Variants in UBE2G1 observed in about 807,000 individuals in gnomAD.
UBE2G1 encodes the protein ubiquitin-conjugating enzyme E2 G1.
Under a neutral mutation model 22.7 loss-of-function variants are expected in UBE2G1, and 5 were observed. The observed-to-expected ratio is 0.22, with a 90% CI of 0.12 to 0.46. The LOEUF is 0.46. Among genes scored for constraint, UBE2G1 ranks in the 20% least tolerant of loss-of-function variants. UBE2G1 has a pLI of 0.99. For missense variants in UBE2G1, 88 were observed against 203.9 expected (o/e 0.43, Z 3.46); for synonymous variants, 74 against 67.5 (o/e 1.10, Z -0.47).
intron 4 of UBE2G1, 77 bp from the exon 5 acceptor site, chr17:4,282,998 G>C (rs1213635488): frequency 1.7e-6 from 2 of 1,199,148 alleles, no homozygotes; most frequent in African/African-American, 3.1e-5. Context: ...TTTTAATTTT[G>C]AATGTAATCC....
Position 4,353,337 on chromosome 17 carries a change from A to C in UBE2G1, c.46+12934T>G, listed in dbSNP as rs540032006. On this transcript the variant is annotated intron_variant, in intron 1 of 5. Transcript: ENST00000396981. ...AAGTAAATGGAAAAGAAAAATATGT[A>C]AGAAGGGGGAAGAATGTGTATAATA... is the stretch of plus-strand genomic sequence containing the variant. Among the ~76,000 whole-genome samples, 18 of 152,164 alleles carry C rather than the reference A, an allele frequency of 1.2e-4. No individual in the cohort carries two copies. The East Asian group carries it at 3.3e-3, about 28-fold the overall frequency.
In UBE2G1 at chr17:4,269,324, ATACAG is replaced by A. The variant is rs756576443; in HGVS notation, c.*3225_*3229del. The A allele has an allele frequency of 1.4e-4, 21 of 152,660 alleles. No homozygotes were observed. Among genetic ancestry groups the A allele is most frequent in the Non-Finnish European group, 2.4e-4 (16 of 68,024 alleles). The allele number at this position is 152,660 out of a possible 1,614,324, so 9.5% of individuals were successfully genotyped here. A position where few individuals can be genotyped will look rare whatever the true frequency, so the allele number is the denominator to read the frequency against. On this transcript the variant is annotated 3_prime_UTR_variant, in exon 6 of 6. Transcript: ENST00000396981. ...CATCACATGAATGAGGTGCTTTACA[ATACAG>A]TAAACATCACAACAGAACTCACATA...
intron 1 of UBE2G1, among the ~76,000 whole-genome samples, chr17:4,327,246 G>A (rs1319647990): frequency 6.6e-6 from 1 of 152,068 alleles, no homozygotes; most frequent in African/African-American, 2.4e-5. Flanking sequence ...GCAGTGAGCC[G>A]AGATCGCGCC....
chr17:4,352,983 G>C (rs8066855), intron 1 of UBE2G1, among the ~76,000 whole-genome samples: 68,574 of 151,996 alleles, frequency 0.45, 18,631 homozygotes, highest in African/African-American at 0.77. Context: ...CTTTAGGAGG[G>C]TGAGACGGAC....
At chr17:4,304,094 G>C (rs554213757) in intron 2 of UBE2G1, among the ~76,000 whole-genome samples, 1 of 152,246 alleles carries the variant, frequency 6.6e-6, no homozygotes, top group African/African-American at 2.4e-5. Context: ...CGTAATCTTG[G>C]CTCACTGCAG....
At chr17:4,287,450 T>C (rs1968978183) in intron 4 of UBE2G1, among the ~76,000 whole-genome samples, 1 of 152,140 alleles carries the variant, frequency 6.6e-6, no homozygotes, top group Non-Finnish European at 1.5e-5. Flanking sequence ...ATGAACCATA[T>C]AAACATTCAT....
intron 5 of UBE2G1, among the ~76,000 whole-genome samples, chr17:4,274,477 G>A (rs956491669): frequency 6.6e-6 from 1 of 152,098 alleles, no homozygotes; most frequent in Admixed American, 6.5e-5. Flanking sequence ...GATTAGAGGC[G>A]TGAGCCACCA....
At chr17:4,288,516 G>A (rs538329175) in intron 4 of UBE2G1, among the ~76,000 whole-genome samples, 1 of 152,074 alleles carries the variant, frequency 6.6e-6, no homozygotes, top group South Asian at 2.1e-4. Flanking sequence ...GTGAGCCACC[G>A]TGCCCAGCCC....
intron 1 of UBE2G1, among the ~76,000 whole-genome samples, chr17:4,329,770 T>A (rs1334366455): frequency 6.6e-6 from 1 of 152,114 alleles, no homozygotes; most frequent in Non-Finnish European, 1.5e-5. Context: ...CTTTCCAGTA[T>A]AACTTTTTCT....
rs528833033 is a variant in UBE2G1 at position 4,333,814 on chromosome 17, G to A, written c.47-26691C>T. Among the ~76,000 whole-genome samples the A allele has an allele frequency of 3.3e-5, 5 of 151,534 alleles. No homozygotes were observed. The South Asian group carries it at 6.3e-4, about 19-fold the overall frequency. On this transcript the variant is annotated intron_variant, in intron 1 of 5. Transcript: ENST00000396981. ...AGCCTGGGTGACACAGTGAGACTCC[G>A]TCTCAAAAAAAAAAAGTAAAAGACT...
chr17:4,300,934 A>ATC (rs1969170436), intron 2 of UBE2G1, among the ~76,000 whole-genome samples: 1 of 136,606 alleles, frequency 7.3e-6, no homozygotes, highest in Non-Finnish European at 1.5e-5. Flanking sequence ...CTCTGTTTTC[A>ATC]AACAAAAAAA....
intron 1 of UBE2G1, among the ~76,000 whole-genome samples, chr17:4,333,838 C>CTTA (rs1969612997): frequency 6.6e-6 from 1 of 152,008 alleles, no homozygotes; most frequent in South Asian, 2.1e-4. Flanking sequence ...AAGTAAAAGA[C>CTTA]TTACACCTTT....
At chr17:4,321,237 G>A (rs1176702704) in intron 1 of UBE2G1, among the ~76,000 whole-genome samples, 1 of 151,988 alleles carries the variant, frequency 6.6e-6, no homozygotes, top group Non-Finnish European at 1.5e-5. Flanking sequence ...AAACTGAACT[G>A]TAAGTCAAAG....
intron 1 of UBE2G1, among the ~76,000 whole-genome samples, chr17:4,348,792 C>T (rs1365918669): frequency 4.6e-5 from 7 of 151,856 alleles, no homozygotes; most frequent in African/African-American, 1.7e-4. Context: ...ACCTGGGAGG[C>T]AGAGGTTGCA....
intron 5 of UBE2G1, among the ~76,000 whole-genome samples, chr17:4,281,703 C>T (rs779593806): frequency 6.6e-6 from 1 of 152,146 alleles, no homozygotes; most frequent in African/African-American, 2.4e-5. Flanking sequence ...CAATTTTCTG[C>T]TATGTTTTTA....
At chr17:4,294,801 A>C (rs770217452) in intron 3 of UBE2G1, among the ~76,000 whole-genome samples, 1 of 152,070 alleles carries the variant, frequency 6.6e-6, no homozygotes, top group African/African-American at 2.4e-5. Context: ...CTGTCATCCC[A>C]GCTACTTGGG....
intron 4 of UBE2G1, among the ~76,000 whole-genome samples, chr17:4,284,753 T>C (rs1011194016): frequency 1.3e-5 from 2 of 151,962 alleles, no homozygotes; most frequent in East Asian, 3.9e-4. Context: ...AATAGCCATA[T>C]AGCTTTGAGT....
Position 4,365,122 on chromosome 17 carries a change from A to G in UBE2G1, c.46+1149T>C, listed in dbSNP as rs117466104. Among the ~76,000 whole-genome samples, 200 of 152,364 alleles carry G rather than the reference A, an allele frequency of 1.3e-3. 5 individuals carry two copies. In the East Asian group the frequency reaches 0.035, roughly 26 times the overall value. The stretch of plus-strand genomic sequence containing the variant: ...TCAAACTCTTAGTAAATGTATTTCA[A>G]AAACAGATTTCATCACTCCAGTCTT... On this transcript the variant is annotated intron_variant, in intron 1 of 5. Coordinates refer to ENST00000396981, the MANE Select transcript of UBE2G1 (RefSeq NM_003342.5).
chr17:4,342,552 T>C (rs964691506), intron 1 of UBE2G1, among the ~76,000 whole-genome samples: 1 of 152,200 alleles, frequency 6.6e-6, no homozygotes. Context: ...ACTGAACTCC[T>C]GCTGGGCAAC....
Sources: allele counts gnomAD v4.1 joint callset (sites outside exome capture counted in the v4.1 genomes callset), GRCh38; gene constraint gnomAD v4.1.1; transcripts MANE v1.5; gene names NCBI Gene and HGNC (gene_info 2026-07-23, HGNC 2026-07-21).